The following CBL variants were observed in gnomAD, a reference collection of about 807,000 sequenced individuals.
CBL encodes E3 ubiquitin-protein ligase CBL.
CBL carries 45 observed loss-of-function variants against 96.9 expected under a neutral mutation model. The observed-to-expected ratio is 0.46, with a 90% CI of 0.37 to 0.60. The LOEUF (loss-of-function observed/expected upper bound fraction) is 0.60, where lower values mean the gene tolerates loss of function less well. Ranked by LOEUF, CBL falls within the 20% of genes least tolerant of loss-of-function variation. The pLI is 0.00. For synonymous variants in CBL, 420 were observed against 426.8 expected, an observed-to-expected ratio of 0.98 and a Z score of 0.20; for missense variants, 1,024 against 1,143.5, an observed-to-expected ratio of 0.90 and a Z score of 1.51.
intron 2 of CBL, among the ~76,000 whole-genome samples, chr11:119,250,274 C>G (rs1949661628): frequency 6.6e-6 from 1 of 152,144 alleles, no homozygotes. Context: ...TTTTTTTCCT[C>G]TCTTGTCCTT....
chr11:119,222,836 A>C (rs1003603071), intron 1 of CBL, among the ~76,000 whole-genome samples: 24 of 152,264 alleles, frequency 1.6e-4, no homozygotes, highest in Admixed American at 2.6e-4. Flanking sequence ...GTTATACATA[A>C]TAAGGACTTT....
Position 119,232,306 on chromosome 11 carries a change from G to A in CBL, c.196-142G>A, listed in dbSNP as rs1044685394. 7.2e-5 allele frequency: 63 copies of A among 878,650 alleles called. No homozygotes were observed. The East Asian group carries it at 1.6e-3, about 22-fold the overall frequency. The allele number at this position is 878,650 out of a possible 1,614,324, so 54.4% of individuals were successfully genotyped here. On this transcript the variant is annotated intron_variant, in intron 1 of 15. Coordinates refer to ENST00000264033, the MANE Select transcript of CBL (RefSeq NM_005188.4). ...TAAAATGGTTGCCTGTGGGCAATGG[G>A]GTTATGGATCTGCTTCTTATATTCT...
chr11:119,288,862 T>TTG (rs1950004762), intron 12 of CBL, among the ~76,000 whole-genome samples: 1 of 152,212 alleles, frequency 6.6e-6, no homozygotes, highest in South Asian at 2.1e-4. Context: ...AATAAGGGCT[T>TTG]CAACAGATGA....
At chr11:119,265,860 T>TA (rs1202047210) in intron 2 of CBL, among the ~76,000 whole-genome samples, 1 of 151,834 alleles carries the variant, frequency 6.6e-6, no homozygotes, top group Non-Finnish European at 1.5e-5. Flanking sequence ...CCGTCTCTAC[T>TA]AAAAATATAA....
intron 4 of CBL, 133 bp from the exon 5 acceptor site, chr11:119,274,695 TTCTC>T (rs1949874872): frequency 3.8e-6 from 3 of 797,432 alleles, no homozygotes; most frequent in African/African-American, 1.7e-5. Flanking sequence ...CACATGTGTC[TTCTC>T]TCTGAGTGAT....
intron 2 of CBL, among the ~76,000 whole-genome samples, chr11:119,244,687 T>G (rs1949612891): frequency 6.6e-6 from 1 of 151,276 alleles, no homozygotes; most frequent in Non-Finnish European, 1.5e-5. Context: ...GTTCATGCCA[T>G]TCTCCTGTCT....
At chr11:119,232,316 C>T in intron 1 of CBL, 132 bp from the exon 2 acceptor site, 1 of 984,998 alleles carries the variant, frequency 1.0e-6, no homozygotes, top group Non-Finnish European at 1.5e-6. Context: ...GGTTATGGAT[C>T]TGCTTCTTAT....
At chr11:119,232,802 A>C in intron 2 of CBL, 107 bp downstream of exon 2, 1 of 1,096,422 alleles carries the variant, frequency 9.1e-7, no homozygotes, top group Non-Finnish European at 1.4e-6. Flanking sequence ...GTAGGAATGG[A>C]AAGTTGACAT....
intron 5 of CBL, 40 bp downstream of exon 5, chr11:119,274,993 TC>T: frequency 6.3e-7 from 1 of 1,593,064 alleles, no homozygotes; most frequent in South Asian, 1.1e-5. Context: ...CTTCTGAATT[TC>T]GTTATCTTGA....
Position 119,278,070 on chromosome 11 carries a change from A to G in CBL, c.1096-96A>G. 2.6e-6 allele frequency: 3 copies of G among 1,133,680 alleles called. 1 individual carries two copies. In the South Asian group the frequency reaches 4.2e-5, roughly 16 times the overall value. The allele number at this position is 1,133,680 out of a possible 1,614,324, so 70.2% of individuals were successfully genotyped here. ...TGTTGTGACATTTTTATATAAGCAA[A>G]ATTTGTATAGGAAACAAGTCTTCAC... On this transcript the variant is annotated intron_variant, in intron 7 of 15. Transcript: ENST00000264033.
chr11:119,306,926 A>T lies in CBL; in HGVS notation c.*7145A>T, dbSNP rs915405757. 4.4e-6 allele frequency: 1 copy of T among 229,020 alleles called. No individual in the cohort carries two copies. The highest frequency in any genetic ancestry group is 8.6e-6 in the Non-Finnish European group (1 of 115,694). The allele number at this position is 229,020 out of a possible 1,614,324, so 14.2% of individuals were successfully genotyped here. On this transcript the variant is annotated 3_prime_UTR_variant, in exon 16 of 16. Transcript: ENST00000264033. ...CTTTTTCCTTTACTCAAAACAAAAC[A>T]ATTTTTAGCACACTGAAAAAAAAAA...
At chr11:119,243,886 G>T (rs761801330) in intron 2 of CBL, among the ~76,000 whole-genome samples, 3 of 151,832 alleles carry the variant, frequency 2.0e-5, no homozygotes, top group African/African-American at 7.3e-5. Flanking sequence ...GTACCACCAT[G>T]CCTGGCTCGT....
At chr11:119,211,773 G>A (rs1174364571) in intron 1 of CBL, among the ~76,000 whole-genome samples, 3 of 151,106 alleles carry the variant, frequency 2.0e-5, no homozygotes, top group Non-Finnish European at 4.4e-5. Flanking sequence ...AAAAGTACTG[G>A]AACTAAAAGC....
chr11:119,277,421 C>G (rs560910443), intron 6 of CBL, among the ~76,000 whole-genome samples: 1 of 152,222 alleles, frequency 6.6e-6, no homozygotes, highest in African/African-American at 2.4e-5. Flanking sequence ...ATATGTGACA[C>G]AGACTAATGT....
intron 1 of CBL, among the ~76,000 whole-genome samples, chr11:119,218,840 A>G (rs985243955): frequency 7.9e-5 from 12 of 152,186 alleles, no homozygotes; most frequent in African/African-American, 2.9e-4. Context: ...TTAAGTGAAC[A>G]GGTGAAAGCT....
At chr11:119,263,437 G>A (rs1388336240) in intron 2 of CBL, among the ~76,000 whole-genome samples, 6 of 152,174 alleles carry the variant, frequency 3.9e-5, no homozygotes, top group Non-Finnish European at 8.8e-5. Context: ...TGAGTTAGAT[G>A]TGTCCCCTTT....
chr11:119,269,372 C>A (rs1949826454), intron 2 of CBL, among the ~76,000 whole-genome samples: 1 of 151,518 alleles, frequency 6.6e-6, no homozygotes, highest in Non-Finnish European at 1.5e-5. Flanking sequence ...AGGCATGTAC[C>A]ACCATGCCCG....
intron 1 of CBL, among the ~76,000 whole-genome samples, chr11:119,212,972 C>CAA (rs11451657): frequency 4.6e-5 from 5 of 109,102 alleles, no homozygotes; most frequent in East Asian, 2.7e-4. Flanking sequence ...AACTCCGTCT[C>CAA]AAAAAAAAAG....
At chr11:119,261,182 A>G (rs1328874037) in intron 2 of CBL, among the ~76,000 whole-genome samples, 1 of 151,768 alleles carries the variant, frequency 6.6e-6, no homozygotes, top group Non-Finnish European at 1.5e-5. Context: ...CCAAAGTGCT[A>G]GGATTACAGG....
Sources: gnomAD v4.1 joint callset for allele counts (sites outside exome capture counted in the v4.1 genomes callset) on GRCh38, gnomAD v4.1.1 for gene constraint, MANE v1.5 for transcripts, NCBI Gene and HGNC (gene_info 2026-07-23, HGNC 2026-07-21) for gene names.